PLB1: variants seen among roughly 807,000 people sequenced by gnomAD.
PLB1 encodes phospholipase B1, membrane-associated.
PLB1 carries 242 observed loss-of-function variants against 227.4 expected under a neutral mutation model. The ratio of observed to expected loss-of-function variants is 1.06; its 90% confidence interval spans 0.96 to 1.18. The LOEUF (loss-of-function observed/expected upper bound fraction) is 1.18. Ranked by LOEUF, PLB1 falls within the 50% of genes most tolerant of loss-of-function variation. The pLI is 0.00. For synonymous variants in PLB1, 757 were observed against 682.2 expected (o/e 1.11, Z -1.71); for missense variants, 1,858 against 1,816.3 (o/e 1.02, Z -0.42).
chr2:28,566,895 C>T, intron 20 of PLB1, 56 bp downstream of exon 20: 2 of 1,598,852 alleles, frequency 1.3e-6, no homozygotes, highest in Non-Finnish European at 1.7e-6. Flanking sequence ...TGCACGCTTC[C>T]CGCTCCCCCT....
chr2:28,596,688 C>T (rs1023473342), intron 33 of PLB1, among the ~76,000 whole-genome samples: 5 of 152,194 alleles, frequency 3.3e-5, no homozygotes, highest in South Asian at 2.1e-4. Context: ...AAGAATCAGA[C>T]GCTTAAACAA....
intron 39 of PLB1, among the ~76,000 whole-genome samples, 197 bp downstream of exon 39, chr2:28,603,118 G>A (rs1358113293): frequency 1.3e-5 from 2 of 152,226 alleles, no homozygotes; most frequent in Non-Finnish European, 2.9e-5. Context: ...CAAGGTGCCT[G>A]GCAGGAACTT....
At chr2:28,534,148 C>T (rs570323039) in intron 9 of PLB1, among the ~76,000 whole-genome samples, 43 of 152,208 alleles carry the variant, frequency 2.8e-4, no homozygotes, top group African/African-American at 1.0e-3. Context: ...GTCATGTTGA[C>T]ATATATGGAA....
In PLB1 at chr2:28,569,977, AAAG is replaced by A. The variant is rs573371883; in HGVS notation, c.1324+3141_1324+3143del. On this transcript the variant is annotated intron_variant, in intron 20 of 57. Transcript: ENST00000327757. Reference sequence around the variant, plus strand: ...CGAGACTCCATCTCAAAAAAAAAAAAAAGAAAGAAAAAAGAAAATCTGAATAGA... The same window carrying A: ...CGAGACTCCATCTCAAAAAAAAAAAAAAAGAAAAAAGAAAATCTGAATAGA... 3.2e-4 allele frequency among the ~76,000 whole-genome samples: 37 copies of A among 116,580 alleles called. 1 individual carries two copies. The highest frequency in any genetic ancestry group is 6.1e-4 in the Non-Finnish European group (29 of 47,172). The allele number at this position is 116,580 out of a possible 152,430, so 76.5% of individuals were successfully genotyped here.
chr2:28,621,001 G>A (rs770146030), intron 49 of PLB1, 23 bp downstream of exon 49: 24 of 1,580,744 alleles, frequency 1.5e-5, no homozygotes, highest in East Asian at 2.2e-5. Context: ...CGTACAGGAG[G>A]GCGAGTGGAA....
intron 55 of PLB1, among the ~76,000 whole-genome samples, chr2:28,632,368 C>A (rs1334252766): frequency 6.6e-6 from 1 of 150,982 alleles, no homozygotes; most frequent in Non-Finnish European, 1.5e-5. Flanking sequence ...CCAGGCCTGG[C>A]CCTGATGTTT....
intron 49 of PLB1, 62 bp from the exon 50 acceptor site, chr2:28,624,995 C>A: frequency 6.7e-7 from 1 of 1,500,938 alleles, no homozygotes; most frequent in Non-Finnish European, 9.3e-7. Context: ...GGCCAAAATC[C>A]CATGTCGTGA....
At chr2:28,510,082 T>G (rs1031867493) in intron 1 of PLB1, among the ~76,000 whole-genome samples, 1 of 152,222 alleles carries the variant, frequency 6.6e-6, no homozygotes, top group African/African-American at 2.4e-5. Flanking sequence ...CATTTAGTTA[T>G]GTGAAGAAAT....
rs1679297320 is a variant in PLB1 at position 28,578,090 on chromosome 2, C to T, written c.1434-17C>T. The T allele has an allele frequency of 6.2e-7, 1 of 1,613,570 alleles. No homozygotes were observed. The highest frequency in any genetic ancestry group is 8.5e-7 in the Non-Finnish European group (1 of 1,179,526). On this transcript the variant is annotated splice_polypyrimidine_tract_variant and intron_variant, in intron 21 of 57. Transcript: ENST00000327757. The stretch of plus-strand genomic sequence containing the variant: ...GTCCCCACTCCTCACAGCACTTCCT[C>T]TGGTATGTTTCCACAGGGATCTACC...
intron 56 of PLB1, among the ~76,000 whole-genome samples, chr2:28,637,494 T>A (rs1689509372): frequency 6.6e-6 from 1 of 151,950 alleles, no homozygotes; most frequent in African/African-American, 2.4e-5. Context: ...AATCAAGTAA[T>A]CTGTATAAAA....
At chr2:28,585,195 G>A (rs1197047484) in intron 25 of PLB1, among the ~76,000 whole-genome samples, 6 of 151,994 alleles carry the variant, frequency 3.9e-5, no homozygotes, top group Admixed American at 2.0e-4. Context: ...AAGGTGACTC[G>A]TCTCCATAAA....
chr2:28,535,940 A>G (rs1671625891), intron 9 of PLB1, among the ~76,000 whole-genome samples: 1 of 151,882 alleles, frequency 6.6e-6, no homozygotes, highest in Non-Finnish European at 1.5e-5. Context: ...ACAAAACAAA[A>G]CAAATGCTCT....
At position 28,496,779 on chromosome 2, in the gene PLB1, C is replaced by T. The variant is rs1242398134; in HGVS notation, c.55+610C>T. Among the ~76,000 whole-genome samples the T allele has an allele frequency of 3.3e-5, 5 of 152,194 alleles. No individual in the cohort carries two copies. The East Asian group carries it at 9.6e-4, about 29-fold the overall frequency. On this transcript the variant is annotated intron_variant, in intron 1 of 57. Coordinates refer to ENST00000327757, the MANE Select transcript of PLB1 (RefSeq NM_153021.5). ...TGCCTCTGCCACAATCCCTCTCTGC[C>T]CCTCTTCTTCCCATCATTGGCTCTC...
At chr2:28,617,501 C>T (rs980428976) in intron 44 of PLB1, among the ~76,000 whole-genome samples, 1 of 152,172 alleles carries the variant, frequency 6.6e-6, no homozygotes, top group Non-Finnish European at 1.5e-5. Context: ...CATGTGGAGA[C>T]ATGCACTATG....
chr2:28,637,362 CAG>C (rs1689492934), intron 56 of PLB1, among the ~76,000 whole-genome samples: 1 of 151,770 alleles, frequency 6.6e-6, no homozygotes, highest in African/African-American at 2.4e-5. Flanking sequence ...GGCTTATCCC[CAG>C]AGAGTCTGAC....
chr2:28,604,869 C>T (rs1684439651), intron 41 of PLB1, 110 bp downstream of exon 41: 3 of 993,642 alleles, frequency 3.0e-6, no homozygotes, highest in Admixed American at 2.3e-5. Flanking sequence ...CACAGCTCTC[C>T]AGACGCTGTG....
intron 33 of PLB1, chr2:28,595,102 G>C (rs1682686385): frequency 6.6e-6 from 1 of 152,192 alleles, no homozygotes; most frequent in African/African-American, 2.4e-5. Flanking sequence ...AGATCGACCA[G>C]CTGGGCTCCT....
At chr2:28,574,339 C>CCCG (rs1337883737) in intron 21 of PLB1, among the ~76,000 whole-genome samples, 1 of 40,624 alleles carries the variant, frequency 2.5e-5, no homozygotes, top group Non-Finnish European at 1.3e-4. Context: ...ATCCCTCACC[C>CCCG]CCCCCACCCT....
intron 19 of PLB1, chr2:28,566,505 C>T: frequency 2.4e-6 from 1 of 411,908 alleles, no homozygotes; most frequent in Non-Finnish European, 4.4e-6. Flanking sequence ...GGGACTACTT[C>T]CCCTTTGAAA....
Sources: allele counts gnomAD v4.1 joint callset (sites outside exome capture counted in the v4.1 genomes callset), GRCh38; gene constraint gnomAD v4.1.1; transcripts MANE v1.5; gene names NCBI Gene and HGNC (gene_info 2026-07-23, HGNC 2026-07-21).